The following CSTPP1 variants were observed in gnomAD, a reference collection of about 807,000 sequenced individuals.
CSTPP1 encodes centriolar satellite-associated tubulin polyglutamylase complex regulator 1.
chr11:46,956,223 A>G, the CSTPP1 span, among the ~76,000 whole-genome samples: 1 of 152,126 alleles, frequency 6.6e-6, no homozygotes, highest in African/African-American at 2.4e-5. Context: ...ATCTGGTCTA[A>G]TAGGTAATAG....
chr11:46,950,704 C>T, the CSTPP1 span, among the ~76,000 whole-genome samples: 3 of 151,948 alleles, frequency 2.0e-5, no homozygotes, highest in Non-Finnish European at 2.9e-5. Context: ...CTCCACCTCC[C>T]GGGTTCAAGC....
At chr11:47,107,916 C>T in the CSTPP1 span, among the ~76,000 whole-genome samples, 2 of 152,350 alleles carry the variant, frequency 1.3e-5, no homozygotes, top group African/African-American at 2.4e-5. Flanking sequence ...TACCTTGTTC[C>T]CCTGGCAGTG....
chr11:47,018,329 CTG>C, the CSTPP1 span, among the ~76,000 whole-genome samples: 1 of 116,968 alleles, frequency 8.5e-6, no homozygotes, highest in Non-Finnish European at 1.6e-5. Flanking sequence ...GAGTCTTACT[CTG>C]TCACCCAGGC....
the CSTPP1 span, among the ~76,000 whole-genome samples, chr11:47,111,173 A>T: frequency 0.51 from 77,780 of 151,862 alleles, 23,531 homozygotes; most frequent in Non-Finnish European, 0.67. Context: ...AGTCCAGCAG[A>T]TACATGGCAC....
At chr11:46,971,291 TA>T in the CSTPP1 span, among the ~76,000 whole-genome samples, 6 of 152,198 alleles carry the variant, frequency 3.9e-5, no homozygotes, top group Non-Finnish European at 8.8e-5. Flanking sequence ...TACCAATAAA[TA>T]AACCACTGGA....
At chr11:47,090,659 G>A in the CSTPP1 span, among the ~76,000 whole-genome samples, 1 of 152,100 alleles carries the variant, frequency 6.6e-6, no homozygotes, top group African/African-American at 2.4e-5. Flanking sequence ...CATGTGCCAG[G>A]AATTAGGTTA....
the CSTPP1 span, among the ~76,000 whole-genome samples, chr11:47,019,082 AC>A: frequency 6.6e-6 from 1 of 151,606 alleles, no homozygotes; most frequent in Non-Finnish European, 1.5e-5. Flanking sequence ...ATCTCAGCTC[AC>A]TACAACCTCT....
At chr11:47,151,790 A>G in the CSTPP1 span, among the ~76,000 whole-genome samples, 2 of 151,474 alleles carry the variant, frequency 1.3e-5, no homozygotes, top group Admixed American at 6.6e-5. Context: ...TGTCCCCCAG[A>G]AAGAAAGCCC....
At chr11:47,060,900 T>G in the CSTPP1 span, among the ~76,000 whole-genome samples, 1 of 152,154 alleles carries the variant, frequency 6.6e-6, no homozygotes, top group African/African-American at 2.4e-5. Context: ...CAGGTAAAAG[T>G]GAAAGCATAG....
chr11:47,118,248 T>C, the CSTPP1 span, among the ~76,000 whole-genome samples: 1 of 152,210 alleles, frequency 6.6e-6, no homozygotes, highest in African/African-American at 2.4e-5. Flanking sequence ...AATCAGCTAT[T>C]GAAGCTTGTG....
the CSTPP1 span, among the ~76,000 whole-genome samples, chr11:47,019,496 G>A: frequency 9.2e-5 from 14 of 152,096 alleles, no homozygotes; most frequent in Admixed American, 2.0e-4. Flanking sequence ...ACACTTAGAG[G>A]CCATTGTAGG....
chr11:47,075,597 G>A, the CSTPP1 span, among the ~76,000 whole-genome samples: 1 of 151,910 alleles, frequency 6.6e-6, no homozygotes, highest in South Asian at 2.1e-4. Context: ...GCCTAAAAGG[G>A]TTCAAGAATT....
the CSTPP1 span, among the ~76,000 whole-genome samples, chr11:47,068,011 G>A: frequency 0.034 from 5,111 of 151,912 alleles, 112 homozygotes; most frequent in Non-Finnish European, 0.049. Context: ...AGAAATAATG[G>A]TAATTACTTT....
At chr11:47,151,527 T>A in the CSTPP1 span, among the ~76,000 whole-genome samples, 1 of 151,478 alleles carries the variant, frequency 6.6e-6, no homozygotes, top group Non-Finnish European at 1.5e-5. Context: ...GTAGATGGAT[T>A]CAAGAGAAAT....
chr11:47,157,803 T>A, the CSTPP1 span: 46 of 1,611,798 alleles, frequency 2.9e-5, no homozygotes, highest in Non-Finnish European at 3.8e-5. Context: ...GTGGCATCTC[T>A]CCTTCTTAGC....
At chr11:47,162,391 A>T in the CSTPP1 span, 1 of 334,446 alleles carries the variant, frequency 3.0e-6, no homozygotes, top group African/African-American at 2.2e-5. Flanking sequence ...AGAGGGGCCT[A>T]GCTTCGCACA....
the CSTPP1 span, among the ~76,000 whole-genome samples, chr11:47,011,021 CA>C: frequency 6.6e-6 from 1 of 152,140 alleles, no homozygotes; most frequent in African/African-American, 2.4e-5. Context: ...AAATTCCCCC[CA>C]AACACTTCCT....
At chr11:46,972,762 A>G in the CSTPP1 span, among the ~76,000 whole-genome samples, 1 of 152,224 alleles carries the variant, frequency 6.6e-6, no homozygotes, top group African/African-American at 2.4e-5. Flanking sequence ...TTCCTCAGTT[A>G]GTAAATGGAA....
the CSTPP1 span, among the ~76,000 whole-genome samples, chr11:47,015,804 C>T: frequency 6.6e-6 from 1 of 151,844 alleles, no homozygotes; most frequent in Non-Finnish European, 1.5e-5. Context: ...TCCAGGAATG[C>T]ATGTGGTGGT....
Sources: allele counts gnomAD v4.1 joint callset (sites outside exome capture counted in the v4.1 genomes callset), GRCh38; gene constraint gnomAD v4.1.1; transcripts MANE v1.5; gene names NCBI Gene and HGNC (gene_info 2026-07-23, HGNC 2026-07-21).